The following SOX6 variants were observed in gnomAD, a reference collection of about 807,000 sequenced individuals.
The protein encoded by SOX6 is transcription factor SOX-6.
In SOX6, 11 loss-of-function variants were observed where a neutral mutation model predicts 97.8. The ratio of observed to expected loss-of-function variants is 0.11; its 90% CI spans 0.07 to 0.19. SOX6 has a LOEUF of 0.19. SOX6 is among the 10% of genes least tolerant of loss of function. The pLI, the probability that SOX6 is intolerant of heterozygous loss-of-function variation, is 1.00. For synonymous variants in SOX6, 360 were observed against 371.4 expected, an observed-to-expected ratio of 0.97 and a Z score of 0.35; for missense variants, 810 against 1,039.5, an observed-to-expected ratio of 0.78 and a Z score of 3.04.
intron 4 of SOX6, chr11:16,484,017 G>A (rs755294919): frequency 4.9e-6 from 4 of 823,420 alleles, no homozygotes; most frequent in Non-Finnish European, 8.6e-6. Context: ...AAGGTCCTCG[G>A]GCTTGGCCCA....
rs182665860 is a variant in SOX6 at position 16,158,994 on chromosome 11, A to C, written c.777+24892T>G. ...AAATAGATAGCAGAGCCAGACTTTG[A>C]AATTATTATTTTCACCATTTTCCAT... On this transcript the variant is annotated intron_variant, in intron 6 of 15. Transcript: ENST00000683767. 2.6e-5 allele frequency among the ~76,000 whole-genome samples: 4 copies of C among 152,018 alleles called. No individual in the cohort carries two copies. The East Asian group carries it at 7.7e-4, about 29-fold the overall frequency.
intron 3 of SOX6, among the ~76,000 whole-genome samples, chr11:16,278,528 C>A (rs182009058): frequency 6.6e-6 from 1 of 152,098 alleles, no homozygotes; most frequent in Admixed American, 6.5e-5. Flanking sequence ...TTCTAACAGG[C>A]CTTAACTTGC....
At chr11:16,478,884 G>A (rs1431807164), upstream of SOX6, among the ~76,000 whole-genome samples, 1 of 152,184 alleles carries the variant, frequency 6.6e-6, no homozygotes, top group Non-Finnish European at 1.5e-5. Flanking sequence ...AAATGCCAGA[G>A]CAAATCATTA....
chr11:16,076,780 T>C (rs1848364742), intron 9 of SOX6, among the ~76,000 whole-genome samples: 1 of 135,576 alleles, frequency 7.4e-6, no homozygotes, highest in East Asian at 2.5e-4. Flanking sequence ...GGAGTCTCTC[T>C]CTGTCGCCCA....
At chr11:16,224,944 C>A (rs1388220390) in intron 4 of SOX6, among the ~76,000 whole-genome samples, 1 of 151,994 alleles carries the variant, frequency 6.6e-6, no homozygotes, top group Non-Finnish European at 1.5e-5. Flanking sequence ...ACACAAAGCA[C>A]CTCCAGCTCT....
chr11:16,193,706 A>G (rs1393268925), intron 4 of SOX6, among the ~76,000 whole-genome samples: 1 of 152,246 alleles, frequency 6.6e-6, no homozygotes, highest in Non-Finnish European at 1.5e-5. Context: ...CCAAAGCAAC[A>G]TCAATCAAGG....
intron 1 of SOX6, among the ~76,000 whole-genome samples, chr11:16,396,516 G>A (rs1858362070): frequency 6.6e-6 from 1 of 151,542 alleles, no homozygotes; most frequent in African/African-American, 2.4e-5. Flanking sequence ...ATGCTAATTT[G>A]AATTGTTTTT....
intron 4 of SOX6, among the ~76,000 whole-genome samples, chr11:16,530,792 C>T (rs557433216): frequency 8.6e-5 from 13 of 151,736 alleles, no homozygotes; most frequent in African/African-American, 2.7e-4. Flanking sequence ...AGACACTGTC[C>T]GAGGTGAAGG....
chr11:16,706,087 A>G (rs1212490277), intron 3 of SOX6, among the ~76,000 whole-genome samples: 1 of 151,968 alleles, frequency 6.6e-6, no homozygotes. Flanking sequence ...GATCTTGACC[A>G]ATGTTTAAAT....
intron 1 of SOX6, among the ~76,000 whole-genome samples, chr11:16,473,293 C>T (rs992701242): frequency 6.6e-6 from 1 of 152,108 alleles, no homozygotes; most frequent in East Asian, 1.9e-4. Flanking sequence ...ATCACGCAAA[C>T]GTTTTGGTTT....
At chr11:16,254,630 C>A (rs1001893170) in intron 3 of SOX6, among the ~76,000 whole-genome samples, 1 of 151,574 alleles carries the variant, frequency 6.6e-6, no homozygotes, top group African/African-American at 2.4e-5. Context: ...TAACTGATAT[C>A]TTAACAAAAT....
At chr11:16,310,645 G>T (rs1396204264) in intron 3 of SOX6, among the ~76,000 whole-genome samples, 2 of 151,996 alleles carry the variant, frequency 1.3e-5, no homozygotes, top group Non-Finnish European at 1.5e-5. Flanking sequence ...GTGGTCCTGG[G>T]AAACTTCAGC....
chr11:16,605,110 C>T lies in SOX6; in HGVS notation n.609+6971G>A, dbSNP rs960281489. On this transcript the variant is annotated intron_variant and non_coding_transcript_variant, in intron 4 of 5. Transcript: ENST00000524520. This position sits in a 1 kb window ranked among gnomAD's most constrained non-coding sequence, Gnocchi z 5.3. Reference sequence around the variant, plus strand: ...CTGGGTCCCGGGGCGGGTGGCAGCACCGCCCCCTGCCCTGGGCCGAGCCCG... The same window carrying T: ...CTGGGTCCCGGGGCGGGTGGCAGCATCGCCCCCTGCCCTGGGCCGAGCCCG... 2.0e-5 allele frequency among the ~76,000 whole-genome samples: 3 copies of T among 152,054 alleles called. No homozygotes were observed. The highest frequency in any genetic ancestry group is 2.0e-4 in the Admixed American group (3 of 15,292).
intron 3 of SOX6, among the ~76,000 whole-genome samples, chr11:16,309,547 A>AT (rs1799970768): frequency 6.6e-6 from 1 of 152,178 alleles, no homozygotes; most frequent in South Asian, 2.1e-4. Flanking sequence ...AAAAATGTAG[A>AT]TAAAAAAACA....
chr11:16,074,112 G>A (rs1848291498), intron 9 of SOX6, among the ~76,000 whole-genome samples: 1 of 152,118 alleles, frequency 6.6e-6, no homozygotes, highest in Non-Finnish European at 1.5e-5. Flanking sequence ...GAGCTGAACT[G>A]AAGGAAACTG....
intron 1 of SOX6, among the ~76,000 whole-genome samples, chr11:16,451,820 G>T (rs1859721134): frequency 6.6e-6 from 1 of 151,872 alleles, no homozygotes; most frequent in South Asian, 2.1e-4. Flanking sequence ...GATTGCTTGA[G>T]CCCAGGAGTT....
intron 3 of SOX6, among the ~76,000 whole-genome samples, chr11:16,660,408 ACTAT>A (rs1279435548): frequency 6.6e-6 from 1 of 152,090 alleles, no homozygotes; most frequent in Admixed American, 6.6e-5. Flanking sequence ...GAATTTTTCC[ACTAT>A]CTGTTATTTA....
chr11:16,000,309 T>C (rs1228394741), intron 13 of SOX6, among the ~76,000 whole-genome samples: 1 of 152,248 alleles, frequency 6.6e-6, no homozygotes, highest in Non-Finnish European at 1.5e-5. Flanking sequence ...GATGTGTTCA[T>C]CTTCTGAGAA....
At position 16,132,425 on chromosome 11, in the gene SOX6, GAAAGAAAGAAAGAAAGAAA is replaced by G. The variant is rs1564972499; in HGVS notation, c.778-20521_778-20503del. ...AAAAAGAAAGAAAGAAAGAAAGAAA[GAAAGAAAGAAAGAAAGAAA>G]AAAGAAAGAAAGAAAGAAAGAAAGA... On this transcript the variant is annotated intron_variant, in intron 6 of 15. Coordinates refer to ENST00000683767, the MANE Select transcript of SOX6 (RefSeq NM_001367873.1). Among the ~76,000 whole-genome samples the G allele has an allele frequency of 4.2e-3, 389 of 91,950 alleles. 21 individuals carry two copies. Among genetic ancestry groups the G allele is most frequent in the East Asian group, 0.035 (69 of 1,972 alleles). The allele number at this position is 91,950 out of a possible 152,430, so 60.3% of individuals were successfully genotyped here.
Sources: gnomAD v4.1 joint callset for allele counts (sites outside exome capture counted in the v4.1 genomes callset) on GRCh38, gnomAD v4.1.1 for gene constraint, Gnocchi (gnomAD v3.1) non-coding constraint, MANE v1.5 for transcripts, NCBI Gene and HGNC (gene_info 2026-07-23, HGNC 2026-07-21) for gene names.